The following TMEM114 variants were observed in gnomAD, a reference collection of about 807,000 sequenced individuals.
The protein encoded by TMEM114 is claudin-26.
In TMEM114, 6 loss-of-function variants were observed where a neutral mutation model predicts 6.2. The ratio of observed to expected loss-of-function variants is 0.97; its 90% CI spans 0.53 to 1.91. TMEM114 has a LOEUF of 1.91. Ranked by LOEUF, TMEM114 falls within the 40% of genes most tolerant of loss-of-function variation. TMEM114 has a pLI of 0.01. For synonymous variants in TMEM114, 104 were observed against 73.0 expected, an observed-to-expected ratio of 1.42 and a Z score of -2.16; for missense variants, 218 against 158.3, an observed-to-expected ratio of 1.38 and a Z score of -2.02.
intron 1 of TMEM114, 87 bp downstream of exon 1, chr16:8,589,532 C>A: frequency 7.5e-6 from 3 of 398,390 alleles, no homozygotes; most frequent in Non-Finnish European, 8.8e-6. Context: ...GGGAGGAGTG[C>A]GCGCCAAGCA....
In TMEM114 at chr16:8,556,889, A is replaced by G. The variant is rs755399909; in HGVS notation, n.213-19063T>C. 5.5e-4 allele frequency among the ~76,000 whole-genome samples: 84 copies of G among 152,130 alleles called. 1 individual carries two copies. The highest frequency in any genetic ancestry group is 6.2e-4 in the South Asian group (3 of 4,832). ...TTTAACACCCTTCACATTGATCTCA[A>G]TGCTCCTCCCTGTGGCCTTCCGTAA... On this transcript the variant is annotated intron_variant and non_coding_transcript_variant, in intron 2 of 2. Coordinates refer to the TMEM114 transcript ENST00000623677.
intron 2 of TMEM114, among the ~76,000 whole-genome samples, chr16:8,544,222 G>T (rs9940837): frequency 0.61 from 93,474 of 152,084 alleles, 29,675 homozygotes; most frequent in African/African-American, 0.75. Context: ...CTCTCATGCT[G>T]GCTTTATGTC....
rs930006371 is a variant in TMEM114 at position 8,589,728 on chromosome 16, G to A, written c.111C>T (p.Thr37=). The A allele has an allele frequency of 4.0e-5, 16 of 398,328 alleles. No homozygotes were observed. The Admixed American group carries it at 6.6e-4, about 16-fold the overall frequency. 24.7% of individuals were successfully genotyped at this position (398,328 alleles called of 1,614,324 possible). The part of the protein sequence containing the change: ...IGTDFWYIID[T]ERLERTGPGA... The stretch of plus-strand genomic sequence containing the variant: ...CCGGGCCAGTCCTCTCCAGCCGCTC[G>A]GTGTCAATGATATACCAGAAGTCCG... The change falls in exon 1 of 4, where the codon ACC becomes ACT. Residue 37 remains threonine, a synonymous_variant. Transcript: ENST00000620492.
chr16:8,528,880 G>C, the TMEM114 span, among the ~76,000 whole-genome samples: 3 of 152,180 alleles, frequency 2.0e-5, no homozygotes, highest in Non-Finnish European at 2.9e-5. Context: ...TTCTTGGTAG[G>C]GGGGATATTT....
chr16:8,572,820 G>C (rs978330276), intron 2 of TMEM114, among the ~76,000 whole-genome samples: 1 of 152,198 alleles, frequency 6.6e-6, no homozygotes, highest in Non-Finnish European at 1.5e-5. Context: ...CAGGGTGTTA[G>C]GAAGAACTTG....
At chr16:8,535,556 A>G (rs1441881639), downstream of TMEM114, among the ~76,000 whole-genome samples, 12 of 152,246 alleles carry the variant, frequency 7.9e-5, no homozygotes, top group Non-Finnish European at 1.6e-4. Context: ...AGTATTAATA[A>G]TATTGAAATA....
downstream of TMEM114, among the ~76,000 whole-genome samples, chr16:8,564,699 GAGTGAGTGAATGAGTGAGTA>G (rs1901464839): frequency 6.7e-6 from 1 of 149,876 alleles, no homozygotes; most frequent in Admixed American, 6.6e-5. Flanking sequence ...GTGAATGAGT[GAGTGAGTGAATGAGTGAGTA>G]AATGAGTGAG....
intron 2 of TMEM114, among the ~76,000 whole-genome samples, chr16:8,550,700 CA>C (rs1205992345): frequency 4.8e-4 from 42 of 87,138 alleles, no homozygotes; most frequent in South Asian, 1.2e-3. Context: ...AAAAAAAAAC[CA>C]AAAAAAAAAA....
intron 2 of TMEM114, among the ~76,000 whole-genome samples, chr16:8,543,750 A>T (rs1424871693): frequency 6.6e-6 from 1 of 152,192 alleles, no homozygotes; most frequent in Non-Finnish European, 1.5e-5. Flanking sequence ...GTAGAATGTG[A>T]ATGTATCATT....
chr16:8,561,174 C>T (rs933017362), intron 2 of TMEM114, among the ~76,000 whole-genome samples: 5 of 152,248 alleles, frequency 3.3e-5, no homozygotes, highest in African/African-American at 1.2e-4. Flanking sequence ...CAAACCATAA[C>T]ACTGGGTTTT....
chr16:8,535,588 T>C (rs1900331824), downstream of TMEM114, among the ~76,000 whole-genome samples: 1 of 152,188 alleles, frequency 6.6e-6, no homozygotes, highest in Non-Finnish European at 1.5e-5. Flanking sequence ...TCATGGGAAA[T>C]AAATGAAATA....
Position 8,552,371 on chromosome 16 carries a change from G to A in TMEM114, n.213-14545C>T, listed in dbSNP as rs992562183. Among the ~76,000 whole-genome samples the A allele has an allele frequency of 9.8e-4, 149 of 151,916 alleles. 2 individuals are homozygous for A. Among genetic ancestry groups the A allele is most frequent in the Admixed American group, 9.7e-3 (148 of 15,236 alleles). ...TGCTCTCCAGCCTGAACCACAGAGT[G>A]AGACTCTATTTCTTTAAAAGAAAAA... On this transcript the variant is annotated intron_variant and non_coding_transcript_variant, in intron 2 of 2. Transcript: ENST00000623677.
chr16:8,533,731 A>G (rs964930471), downstream of TMEM114, among the ~76,000 whole-genome samples: 1 of 152,190 alleles, frequency 6.6e-6, no homozygotes, highest in Admixed American at 6.5e-5. Flanking sequence ...GTTACCTTGA[A>G]TGTTACATTG....
chr16:8,545,584 A>C (rs1025192333), intron 2 of TMEM114, among the ~76,000 whole-genome samples: 3 of 152,296 alleles, frequency 2.0e-5, no homozygotes, highest in Middle Eastern at 3.4e-3. Context: ...ACTCAAATAC[A>C]GATTGCTGGG....
chr16:8,531,096 C>T, the TMEM114 span, among the ~76,000 whole-genome samples: 1 of 152,080 alleles, frequency 6.6e-6, no homozygotes, highest in Non-Finnish European at 1.5e-5. Context: ...CCATTGCAGC[C>T]TTTTGAAAAC....
chr16:8,548,097 C>T (rs1379842965), intron 2 of TMEM114, among the ~76,000 whole-genome samples: 1 of 152,114 alleles, frequency 6.6e-6, no homozygotes. Context: ...CAAGCAAGAC[C>T]CTCTGAAAAG....
chr16:8,536,447 T>G (rs1900362691), downstream of TMEM114, among the ~76,000 whole-genome samples: 1 of 152,108 alleles, frequency 6.6e-6, no homozygotes. Context: ...TTGACTTGAG[T>G]GAAGGCTTGT....
intron 2 of TMEM114, among the ~76,000 whole-genome samples, chr16:8,581,708 C>A (rs1332367154): frequency 6.6e-6 from 1 of 152,266 alleles, no homozygotes; most frequent in Non-Finnish European, 1.5e-5. Context: ...CCCACCTTGG[C>A]CTCCCAAATT....
intron 2 of TMEM114, among the ~76,000 whole-genome samples, chr16:8,547,544 C>T (rs956071192): frequency 5.3e-5 from 8 of 152,074 alleles, no homozygotes; most frequent in African/African-American, 1.9e-4. Context: ...AGGCACCCGC[C>T]ACTACGCCTG....
Sources: allele counts gnomAD v4.1 joint callset (sites outside exome capture counted in the v4.1 genomes callset), GRCh38; gene constraint gnomAD v4.1.1; transcripts MANE v1.5; gene names NCBI Gene and HGNC (gene_info 2026-07-23, HGNC 2026-07-21).